Variants in AASDH observed in about 807,000 individuals in gnomAD.
AASDH encodes aminoadipate-semialdehyde dehydrogenase, also known as beta-alanine-activating enzyme.
In AASDH, 81 loss-of-function variants were observed where a neutral mutation model predicts 102.3. The observed-to-expected ratio is 0.79, with a 90% CI of 0.66 to 0.95. The LOEUF is 0.95. Among genes scored for constraint, AASDH ranks in the 40% least tolerant of loss-of-function variants. The probability of loss-of-function intolerance (pLI) is 0.00; values close to 1 mark genes in which losing one functional copy is unlikely to be tolerated. For synonymous variants in AASDH, 398 were observed against 454.0 expected (o/e 0.88, Z 1.57); for missense variants, 1,203 against 1,266.2 (o/e 0.95, Z 0.76).
intron 3 of AASDH, among the ~76,000 whole-genome samples, chr4:56,380,296 A>G (rs1226479973): frequency 6.6e-6 from 1 of 152,226 alleles, no homozygotes; most frequent in Admixed American, 6.5e-5. Flanking sequence ...CTGAATTTGT[A>G]CATGTTGAAA....
At chr4:56,351,523 T>C in intron 9 of AASDH, 66 bp from the exon 10 acceptor site, 1 of 855,394 alleles carries the variant, frequency 1.2e-6, no homozygotes. Flanking sequence ...AGCCTTTATA[T>C]ATTCATTAGC....
chr4:56,339,501 A>C (rs1289646239), intron 14 of AASDH, among the ~76,000 whole-genome samples: 3 of 152,124 alleles, frequency 2.0e-5, no homozygotes, highest in Non-Finnish European at 4.4e-5. Context: ...CTATAATCCC[A>C]GCATTTTGGG....
At chr4:56,374,483 ACTT>A (rs1421015100) in intron 4 of AASDH, among the ~76,000 whole-genome samples, 4 of 152,006 alleles carry the variant, frequency 2.6e-5, no homozygotes, top group African/African-American at 7.3e-5. Context: ...GCTGCCATAA[ACTT>A]CTTCTTCAGA....
At chr4:56,345,921 A>C (rs1748279298) in intron 11 of AASDH, among the ~76,000 whole-genome samples, 1 of 152,248 alleles carries the variant, frequency 6.6e-6, no homozygotes, top group Non-Finnish European at 1.5e-5. Flanking sequence ...GCACAGAGAG[A>C]CTAAATTACT....
chr4:56,386,380 T>G (rs1462283420), intron 1 of AASDH, among the ~76,000 whole-genome samples: 1 of 152,230 alleles, frequency 6.6e-6, no homozygotes. Flanking sequence ...GCTACAGACA[T>G]TTAAGGTAAA....
rs78877748 is a variant in AASDH at position 56,339,032 on chromosome 4, C to T, written c.2908-241G>A. 1.5e-3 allele frequency among the ~76,000 whole-genome samples: 221 copies of T among 152,080 alleles called. 1 individual carries two copies. Among genetic ancestry groups the T allele is most frequent in the African/African-American group, 5.0e-3 (206 of 41,458 alleles). The stretch of plus-strand genomic sequence containing the variant: ...GTGTTGTTACTATGTGATTCACTGC[C>T]GTGCATAATAAGTAAAATTAATTTT... On this transcript the variant is annotated intron_variant, in intron 14 of 14. Coordinates refer to ENST00000205214, the MANE Select transcript of AASDH (RefSeq NM_181806.4).
chr4:56,356,502 G>A, intron 5 of AASDH: 1 of 1,234,178 alleles, frequency 8.1e-7, no homozygotes, highest in South Asian at 1.3e-5. Flanking sequence ...GAAAGCTGCT[G>A]GCAAAGGGGA....
intron 14 of AASDH, among the ~76,000 whole-genome samples, chr4:56,340,657 A>G (rs991794862): frequency 4.6e-5 from 7 of 152,258 alleles, no homozygotes; most frequent in Non-Finnish European, 1.5e-5. Flanking sequence ...AGTATAGGCA[A>G]CAAAAACAAA....
intron 4 of AASDH, among the ~76,000 whole-genome samples, chr4:56,377,330 T>G (rs1158393253): frequency 6.6e-6 from 1 of 152,186 alleles, no homozygotes; most frequent in African/African-American, 2.4e-5. Context: ...CTTTGGAGAT[T>G]TCTAATCTCT....
intron 5 of AASDH, among the ~76,000 whole-genome samples, chr4:56,359,324 CGCCTCCT>C (rs140231912): frequency 3.3e-5 from 5 of 151,588 alleles, no homozygotes; most frequent in South Asian, 2.1e-4. Context: ...CCACAACATC[CGCCTCCT>C]GCCTCCTGCC....
At position 56,382,573 on chromosome 4, in the gene AASDH, A is replaced by G; in HGVS notation, c.255T>C (p.Tyr85=). The change falls in exon 3 of 15, where the codon TAT becomes TAC. Residue 85 remains tyrosine, a synonymous_variant. Transcript: ENST00000205214. ...GTGGTGAATCTGGCTCGATAGGTAC[A>G]TAAGCAGCCGGGACTTGGAGAATTC... ...ILGILQVPAA[Y]VPIEPDSPPS... The G allele has an allele frequency of 6.2e-7, 1 of 1,610,840 alleles. No homozygotes were observed. Among genetic ancestry groups the G allele is most frequent in the Non-Finnish European group, 8.5e-7 (1 of 1,179,172 alleles).
chr4:56,345,329 T>C (rs753163041), intron 11 of AASDH, 39 bp from the exon 12 acceptor site: 26 of 1,569,898 alleles, frequency 1.7e-5, no homozygotes, highest in Admixed American at 1.4e-4. Flanking sequence ...GATATAGATA[T>C]ATTACTGGAA....
chr4:56,345,832 G>A (rs182700003), intron 11 of AASDH, among the ~76,000 whole-genome samples: 5 of 152,198 alleles, frequency 3.3e-5, no homozygotes, highest in African/African-American at 1.2e-4. Flanking sequence ...TTCTAAGTAT[G>A]TTACATCTAT....
chr4:56,343,945 G>A (rs1560565149), intron 12 of AASDH, among the ~76,000 whole-genome samples: 1 of 152,098 alleles, frequency 6.6e-6, no homozygotes, highest in Non-Finnish European at 1.5e-5. Context: ...CTGAGAATAT[G>A]TGTATATACA....
Position 56,371,506 on chromosome 4 carries a change from A to C in AASDH, c.806T>G (p.Leu269Arg). Residue 269 changes from leucine to arginine, a missense_variant, in exon 5 of 15, where the codon CTC (leucine) becomes CGC (arginine). Physicochemically the swap from Leu to Arg is moderately radical, Grantham distance 102. Coordinates refer to ENST00000205214, the MANE Select transcript of AASDH (RefSeq NM_181806.4). ...LLIVPTSVKL[L>R]PSKLASVLFS... ...GAGAACGCTGGCTAATTTTGATGGGAGCAACTTGACGGAAGTTGGTACAAT... is the reference window on the plus strand; with the variant it reads ...GAGAACGCTGGCTAATTTTGATGGGCGCAACTTGACGGAAGTTGGTACAAT... 6.2e-7 allele frequency: 1 copy of C among 1,613,394 alleles called. No individual in the cohort carries two copies. The highest frequency in any genetic ancestry group is 8.5e-7 in the Non-Finnish European group (1 of 1,179,958).
chr4:56,343,470 C>G (rs1343418385), intron 13 of AASDH, 92 bp downstream of exon 13: 2 of 1,049,004 alleles, frequency 1.9e-6, no homozygotes, highest in Non-Finnish European at 2.7e-6. Context: ...CTACAATTAA[C>G]TGAAAACTAC....
chr4:56,356,256 A>G (rs1298452325), intron 5 of AASDH: 101 of 893,600 alleles, frequency 1.1e-4, no homozygotes, highest in Non-Finnish European at 1.8e-4. Flanking sequence ...TTTGGCACTG[A>G]GCAAGACATC....
chr4:56,382,925 C>A (rs563109515), intron 2 of AASDH, among the ~76,000 whole-genome samples: 1 of 152,112 alleles, frequency 6.6e-6, no homozygotes, highest in African/African-American at 2.4e-5. Flanking sequence ...CAAAATCAGC[C>A]GGGCGTCTGC....
intron 14 of AASDH, among the ~76,000 whole-genome samples, chr4:56,341,387 A>ATTTTTTTTTTT (rs1560561026): frequency 6.0e-5 from 5 of 82,796 alleles, no homozygotes; most frequent in African/African-American, 2.1e-4. Flanking sequence ...GGAGACTTTT[A>ATTTTTTTTTTT]TCTTTTTTTT....
Sources: allele counts gnomAD v4.1 joint callset (sites outside exome capture counted in the v4.1 genomes callset), GRCh38; gene constraint gnomAD v4.1.1; transcripts MANE v1.5; gene names NCBI Gene and HGNC (gene_info 2026-07-23, HGNC 2026-07-21).